The following COL4A6 variants were observed in gnomAD, a reference collection of about 807,000 sequenced individuals.
The protein encoded by COL4A6 is collagen type IV alpha 6 chain, also known as collagen alpha-6(IV) chain.
COL4A6 carries 59 observed loss-of-function variants against 126.7 expected under a neutral mutation model. The observed-to-expected ratio is 0.47, with a 90% confidence interval of 0.38 to 0.58. The LOEUF is 0.58. Ranked by LOEUF, COL4A6 falls within the 20% of genes least tolerant of loss-of-function variation. COL4A6 has a pLI of 0.00. For synonymous variants in COL4A6, 547 were observed against 496.6 expected (o/e 1.10, Z -1.35); for missense variants, 1,285 against 1,337.3 (o/e 0.96, Z 0.61).
chrX:108,252,948 A>T (rs2036889413), intron 3 of COL4A6, among the ~76,000 whole-genome samples: 1 of 111,978 alleles, frequency 8.9e-6, no homozygotes, highest in Non-Finnish European at 1.9e-5. Context: ...GATAACATCC[A>T]TTCATAAAAA....
At chrX:108,356,446 G>A (rs2039962768) in intron 2 of COL4A6, among the ~76,000 whole-genome samples, 1 of 111,251 alleles carries the variant, frequency 9.0e-6, no homozygotes, top group Admixed American at 9.5e-5. Flanking sequence ...CATAACAAAG[G>A]CTGAAAAGTA....
At chrX:108,264,079 A>G (rs1394251581) in intron 3 of COL4A6, among the ~76,000 whole-genome samples, 1 of 111,164 alleles carries the variant, frequency 9.0e-6, no homozygotes, top group East Asian at 2.9e-4. Context: ...TTTTGTTTCT[A>G]GGGATAGTAC....
At chrX:108,190,320 G>T in intron 20 of COL4A6, 72 bp downstream of exon 20, 3 of 701,443 alleles carry the variant, frequency 4.3e-6, no homozygotes, top group Non-Finnish European at 6.6e-6. Flanking sequence ...CGAGGCTGTT[G>T]GTTTTCTCAT....
At chrX:108,203,553 A>G (rs1285931716) in intron 12 of COL4A6, among the ~76,000 whole-genome samples, 4 of 112,487 alleles carry the variant, frequency 3.6e-5, no homozygotes, top group Non-Finnish European at 7.5e-5. Context: ...GAGTTGTTAC[A>G]GCTTCCACGA....
intron 23 of COL4A6, among the ~76,000 whole-genome samples, chrX:108,186,415 A>G (rs1302845182): frequency 1.8e-5 from 2 of 112,001 alleles, no homozygotes; most frequent in Non-Finnish European, 3.8e-5. Context: ...AAAATTTTAA[A>G]CTTCAGATTA....
chrX:108,352,324 AG>A (rs1295661896), intron 2 of COL4A6, among the ~76,000 whole-genome samples: 1 of 112,660 alleles, frequency 8.9e-6, no homozygotes, highest in Non-Finnish European at 1.9e-5. Flanking sequence ...TCCCCTCAAA[AG>A]TGGGCTTTTA....
chrX:108,212,623 C>G (rs1290971729), intron 6 of COL4A6, among the ~76,000 whole-genome samples: 1 of 111,283 alleles, frequency 9.0e-6, no homozygotes, highest in Non-Finnish European at 1.9e-5. Flanking sequence ...CATAAAACAA[C>G]AACGTGATCC....
chrX:108,263,981 T>C (rs1032645971), intron 3 of COL4A6, among the ~76,000 whole-genome samples: 1 of 111,488 alleles, frequency 9.0e-6, no homozygotes, highest in Admixed American at 9.5e-5. Context: ...CTCCCATGCA[T>C]TGAGTGGGCA....
intron 2 of COL4A6, among the ~76,000 whole-genome samples, chrX:108,429,536 T>C (rs1357281241): frequency 3.6e-5 from 4 of 111,791 alleles, no homozygotes; most frequent in African/African-American, 1.3e-4. Flanking sequence ...CAGTGAATGT[T>C]ATCAATGTCA....
intron 3 of COL4A6, among the ~76,000 whole-genome samples, chrX:108,237,339 C>A (rs2036453942): frequency 8.9e-6 from 1 of 111,919 alleles, no homozygotes; most frequent in Admixed American, 9.5e-5. Flanking sequence ...CACCGTTCAA[C>A]TCCCACCTGT....
chrX:108,410,787 C>G (rs2041310410), intron 2 of COL4A6, among the ~76,000 whole-genome samples: 1 of 111,997 alleles, frequency 8.9e-6, no homozygotes, highest in Admixed American at 9.5e-5. Flanking sequence ...TCCAGCCATT[C>G]ATGACACTTA....
At position 108,165,009 on chromosome X, in the gene COL4A6, G is replaced by T. The variant is rs368876473; in HGVS notation, c.3838C>A (p.Pro1280Thr). ...CCTTGATTCGAGGATGGCCCAGGGG[G>T]ACCTGGGGGTCCAGCGGGGCCTGGG... ...GRPGPAGPPG[P>T]PGPSSNQGDT... Residue 1280 changes from proline to threonine, a missense_variant, in exon 39 of 45, where the codon CCC becomes ACC. Pro to Thr is a conservative substitution (Grantham distance 38). Coordinates refer to ENST00000334504, the MANE Select transcript of COL4A6 (RefSeq NM_033641.4). 5.0e-6 allele frequency: 6 copies of T among 1,206,678 alleles called. No homozygotes were observed. Among genetic ancestry groups the T allele is most frequent in the African/African-American group, 1.8e-5 (1 of 56,648 alleles).
chrX:108,385,739 T>C (rs2040673327), intron 2 of COL4A6, among the ~76,000 whole-genome samples: 1 of 111,431 alleles, frequency 9.0e-6, no homozygotes, highest in South Asian at 3.8e-4. Flanking sequence ...AAATTATACT[T>C]TAAGTTCTGG....
At chrX:108,322,049 G>T (rs139639601) in intron 2 of COL4A6, among the ~76,000 whole-genome samples, 2 of 111,246 alleles carry the variant, frequency 1.8e-5, no homozygotes, top group Non-Finnish European at 3.8e-5. Flanking sequence ...ACTAGGCCCC[G>T]TTTAACATCA....
At chrX:108,180,859 A>T (rs772630253) in intron 24 of COL4A6, 38 bp downstream of exon 24, 1 of 1,157,570 alleles carries the variant, frequency 8.6e-7, no homozygotes, top group Admixed American at 2.2e-5. Flanking sequence ...TGGCCCTTAC[A>T]AGAGTGTTTA....
At chrX:108,272,409 C>A (rs996277695) in intron 3 of COL4A6, among the ~76,000 whole-genome samples, 3 of 111,763 alleles carry the variant, frequency 2.7e-5, no homozygotes, top group Non-Finnish European at 5.6e-5. Context: ...GTACCTAGAA[C>A]ACTGATTCTC....
chrX:108,320,915 C>T (rs2039011464), intron 2 of COL4A6, among the ~76,000 whole-genome samples: 1 of 111,762 alleles, frequency 8.9e-6, no homozygotes, highest in Non-Finnish European at 1.9e-5. Flanking sequence ...TGCAACATTA[C>T]AATGATTTAT....
rs756910677 is a variant in COL4A6, at chrX:108,165,035, C to A, written c.3812G>T (p.Arg1271Leu). Residue 1271 changes from arginine (R) to leucine (L), a missense_variant, in exon 39 of 45, where the codon CGC becomes CTC. Arg to Leu is a moderately radical substitution (Grantham distance 102, BLOSUM62 -2). Coordinates refer to ENST00000334504, the MANE Select transcript of COL4A6 (RefSeq NM_033641.4). ...ACCTGGGGGTCCAGCGGGGCCTGGG[C>A]GGCCTAGGGATAAGATCGGAAGAGG... ...GRPGLDGERG[R>L]PGPAGPPGPP... 8.3e-7 allele frequency: 1 copy of A among 1,203,586 alleles called. No homozygotes were observed. The highest frequency in any genetic ancestry group is 1.8e-5 in the South Asian group (1 of 56,175).
rs368688078 is a variant in COL4A6 at position 108,434,261 on chromosome X, A to G, written c.63+3681T>C. On this transcript the variant is annotated intron_variant, in intron 2 of 44. Transcript: ENST00000334504. ...TTTTCATGCCATAGTTTGGCAGTCT[A>G]GTGAAGCCTATGGACTCCTTTTTAG... 6.3e-5 allele frequency among the ~76,000 whole-genome samples: 7 copies of G among 111,761 alleles called. No homozygotes were observed. In the East Asian group the frequency reaches 1.4e-3, roughly 22 times the overall value.
Sources: allele counts gnomAD v4.1 joint callset (sites outside exome capture counted in the v4.1 genomes callset), GRCh38; gene constraint gnomAD v4.1.1; transcripts MANE v1.5; gene names NCBI Gene and HGNC (gene_info 2026-07-23, HGNC 2026-07-21).